Variants in DPYSL2 observed in about 807,000 individuals in gnomAD.
The protein encoded by DPYSL2 is dihydropyrimidinase-related protein 2.
In DPYSL2, 13 loss-of-function variants were observed where a neutral mutation model predicts 69.9. The ratio of observed to expected loss-of-function variants is 0.19; its 90% CI spans 0.12 to 0.30. The LOEUF is 0.30. DPYSL2 is among the 10% of genes least tolerant of loss of function. DPYSL2 has a pLI of 1.00. For synonymous variants in DPYSL2, 326 were observed against 359.1 expected, an observed-to-expected ratio of 0.91 and a Z score of 1.04; for missense variants, 587 against 918.9, an observed-to-expected ratio of 0.64 and a Z score of 4.67.
In DPYSL2 at chr8:26,514,251, G is replaced by A. The variant is rs987393488; in HGVS notation, c.-75G>A. ...CCGCGGCAGCAGCTAGGGGGCTTGT[G>A]CACACAGCGAGGGAGACTTAGGGAC... On this transcript the variant is annotated 5_prime_UTR_variant, in exon 1 of 14. Transcript: ENST00000521913. This position sits in a 1 kb window ranked among gnomAD's most constrained non-coding sequence, Gnocchi z 8.4. 1.1e-5 allele frequency: 14 copies of A among 1,292,368 alleles called. No homozygotes were observed. Among genetic ancestry groups the A allele is most frequent in the Non-Finnish European group, 1.4e-5 (14 of 986,156 alleles). The allele number at this position is 1,292,368 out of a possible 1,614,324, so 80.1% of individuals were successfully genotyped here.
At position 26,584,102 on chromosome 8, in the gene DPYSL2, A is replaced by G. The variant is rs1405960808; in HGVS notation, c.628+119A>G. 17 of 958,342 alleles carry G rather than the reference A, an allele frequency of 1.8e-5. No individual in the cohort carries two copies. In the Admixed American group the frequency reaches 1.8e-4, roughly 10 times the overall value. 59.4% of individuals were successfully genotyped at this position (958,342 alleles called of 1,614,324 possible). The stretch of plus-strand genomic sequence containing the variant: ...GTCCTGAGCCACAGTTCAATCTACC[A>G]AATAAGGGGGTGAGGATGTGTTAAC... On this transcript the variant is annotated intron_variant, in intron 3 of 13. Transcript: ENST00000521913.
Position 26,527,804 on chromosome 8 carries a change from C to CTTTTTTTTTTTTT in DPYSL2, c.354+13130_354+13142dup, listed in dbSNP as rs34631984. The stretch of plus-strand genomic sequence containing the variant: ...AATGTATGGTTCTTATTTGTTTATC[C>CTTTTTTTTTTTTT]TTTTTTTTTTTTTTTTTAGATGGAG... On this transcript the variant is annotated intron_variant, in intron 1 of 13. Coordinates refer to ENST00000521913, the MANE Select transcript of DPYSL2 (RefSeq NM_001197293.3). 7.2e-4 allele frequency among the ~76,000 whole-genome samples: 96 copies of CTTTTTTTTTTTTT among 132,684 alleles called. 1 individual carries two copies. Among genetic ancestry groups the CTTTTTTTTTTTTT allele is most frequent in the African/African-American group, 2.5e-3 (89 of 35,984 alleles). The allele number at this position is 132,684 out of a possible 152,430, so 87.0% of individuals were successfully genotyped here.
chr8:26,538,111 A>G lies in DPYSL2; in HGVS notation c.354+23432A>G, dbSNP rs920337979. Among the ~76,000 whole-genome samples, 13 of 152,174 alleles carry G rather than the reference A, an allele frequency of 8.5e-5. 1 individual carries two copies. The highest frequency in any genetic ancestry group is 3.3e-4 in the Admixed American group (5 of 15,272). The stretch of plus-strand genomic sequence containing the variant: ...GTGCAGGATGTCAATTTATCCCATT[A>G]CTTGTCATCTTAACTCTGGTCACTT... On this transcript the variant is annotated intron_variant, in intron 1 of 13. Transcript: ENST00000521913.
chr8:26,652,810 A>G lies in DPYSL2; in HGVS notation c.1776+374A>G, dbSNP rs1803305489. ...GGAGATGAGGGAATTTGATAAGAGTATCATGAGCATAGAAAATGTACAGTG... is the reference window on the plus strand; with the variant it reads ...GGAGATGAGGGAATTTGATAAGAGTGTCATGAGCATAGAAAATGTACAGTG... On this transcript the variant is annotated intron_variant, in intron 12 of 13. Transcript: ENST00000521913. The surrounding 1 kb of genome is among the most constrained non-coding windows in gnomAD (Gnocchi z 6.3). Among the ~76,000 whole-genome samples, 1 of 152,198 alleles carries G rather than the reference A, an allele frequency of 6.6e-6. No homozygotes were observed. The highest frequency in any genetic ancestry group is 2.4e-5 in the African/African-American group (1 of 41,448).
chr8:26,578,402 T>C, intron 1 of DPYSL2: 3 of 1,577,802 alleles, frequency 1.9e-6, no homozygotes, highest in Non-Finnish European at 2.6e-6. Context: ...GAACTTTTTT[T>C]TTCCTTTCTG....
rs17088245 is a variant in DPYSL2 at position 26,597,395 on chromosome 8, G to A, written c.628+13412G>A. Among the ~76,000 whole-genome samples the A allele has an allele frequency of 0.015, 2,339 of 152,314 alleles. 29 individuals are homozygous for A. The highest frequency in any genetic ancestry group is 0.068 in the Middle Eastern group (20 of 294). The stretch of plus-strand genomic sequence containing the variant: ...TTGCATTTCTCTGAATCGCTTTGGC[G>A]TGGGCTTTTATGAGGTTCATTAGGC... On this transcript the variant is annotated intron_variant, in intron 3 of 13. Coordinates refer to ENST00000521913, the MANE Select transcript of DPYSL2 (RefSeq NM_001197293.3). This position sits in a 1 kb window ranked among gnomAD's most constrained non-coding sequence, Gnocchi z 5.2.
chr8:26,606,242 A>G (rs1802104162), intron 3 of DPYSL2, among the ~76,000 whole-genome samples: 1 of 152,226 alleles, frequency 6.6e-6, no homozygotes, highest in South Asian at 2.1e-4. Context: ...GAAGTTAACT[A>G]TTTTGAAAAC....
In DPYSL2 at chr8:26,630,958, A is replaced by G. The variant is rs144161476; in HGVS notation, c.1005+3018A>G. On this transcript the variant is annotated intron_variant, in intron 7 of 13. Coordinates refer to ENST00000521913, the MANE Select transcript of DPYSL2 (RefSeq NM_001197293.3). ...CCTGCCATGTACCAGCTGTACAAGG[A>G]GGTGAGAAGATGTCCTCTGAGAAAA... Among the ~76,000 whole-genome samples the G allele has an allele frequency of 6.9e-3, 1,049 of 152,274 alleles. 7 individuals are homozygous for G. Among genetic ancestry groups the G allele is most frequent in the South Asian group, 0.032 (153 of 4,824 alleles).
At position 26,617,196 on chromosome 8, in the gene DPYSL2, T is replaced by C. The variant is rs563262105; in HGVS notation, c.629-6947T>C. ...ACTATAATTAGGCAAGATGTTTCCT[T>C]TGGGGGAAACGGGGTGAAGGGTATG... On this transcript the variant is annotated intron_variant, in intron 3 of 13. Coordinates refer to ENST00000521913, the MANE Select transcript of DPYSL2 (RefSeq NM_001197293.3). This position sits in a 1 kb window ranked among gnomAD's most constrained non-coding sequence, Gnocchi z 4.7. 1.5e-4 allele frequency among the ~76,000 whole-genome samples: 23 copies of C among 152,268 alleles called. No individual in the cohort carries two copies. In the East Asian group the frequency reaches 4.1e-3, roughly 27 times the overall value.
At chr8:26,603,942 A>G (rs574429657) in intron 3 of DPYSL2, among the ~76,000 whole-genome samples, 117 of 152,232 alleles carry the variant, frequency 7.7e-4, no homozygotes, top group Non-Finnish European at 1.5e-3. Flanking sequence ...GCTGCTATGA[A>G]CATGAGTGTG....
At chr8:26,606,981 C>T (rs1360685142) in intron 3 of DPYSL2, among the ~76,000 whole-genome samples, 1 of 152,070 alleles carries the variant, frequency 6.6e-6, no homozygotes, top group African/African-American at 2.4e-5. Flanking sequence ...ATAAGACAGA[C>T]AGTATCTAAC....
rs1421206594 is a variant in DPYSL2 at position 26,580,779 on chromosome 8, C to T, written c.355-1190C>T. ...GAATGTCATTCTTTGAAATGTGTTG[C>T]ATATTAAAAGGGCAATGTATGGTTC... On this transcript the variant is annotated intron_variant, in intron 1 of 13. Transcript: ENST00000521913. The surrounding 1 kb of genome is among the most constrained non-coding windows in gnomAD (Gnocchi z 4.1). 6.6e-6 allele frequency among the ~76,000 whole-genome samples: 1 copy of T among 152,088 alleles called. No individual in the cohort carries two copies.
intron 1 of DPYSL2, among the ~76,000 whole-genome samples, chr8:26,581,272 T>C (rs144572823): frequency 1.3e-5 from 2 of 152,320 alleles, no homozygotes; most frequent in African/African-American, 4.8e-5. Context: ...CTTGACACAG[T>C]CTTTCCAAGA....
intron 1 of DPYSL2, among the ~76,000 whole-genome samples, chr8:26,538,372 A>T (rs1305047407): frequency 6.6e-6 from 1 of 152,188 alleles, no homozygotes; most frequent in East Asian, 1.9e-4. Flanking sequence ...GAGGATGACC[A>T]CATAGAAAAG....
intron 3 of DPYSL2, among the ~76,000 whole-genome samples, chr8:26,600,721 C>G (rs936233021): frequency 6.6e-6 from 1 of 152,146 alleles, no homozygotes; most frequent in African/African-American, 2.4e-5. Context: ...AGGCAGCCCT[C>G]TTAGCTCTCC....
chr8:26,576,840 G>A (rs1048498233), intron 1 of DPYSL2, among the ~76,000 whole-genome samples: 2 of 152,240 alleles, frequency 1.3e-5, no homozygotes, highest in African/African-American at 4.8e-5. Flanking sequence ...CACTGGCACT[G>A]TAAACCCTCA....
Position 26,641,267 on chromosome 8 carries a change from C to G in DPYSL2, c.1127-2172C>G, listed in dbSNP as rs146405650. Among the ~76,000 whole-genome samples the G allele has an allele frequency of 6.6e-6, 1 of 152,348 alleles. No homozygotes were observed. The highest frequency in any genetic ancestry group is 2.4e-5 in the African/African-American group (1 of 41,586). On this transcript the variant is annotated intron_variant, in intron 8 of 13. Coordinates refer to ENST00000521913, the MANE Select transcript of DPYSL2 (RefSeq NM_001197293.3). The surrounding 1 kb of genome is among the most constrained non-coding windows in gnomAD (Gnocchi z 4.1). ...TTCTTTATCTCCAAGTGCCTCTGCT[C>G]TCATGAACTTCTTCATGTGGACAAA...
At chr8:26,553,138 A>G (rs375990218) in intron 1 of DPYSL2, among the ~76,000 whole-genome samples, 12 of 152,368 alleles carry the variant, frequency 7.9e-5, no homozygotes, top group South Asian at 2.1e-4. Flanking sequence ...ACCTATTGCT[A>G]TTAAAGAAAT....
At chr8:26,539,225 A>G (rs1585496410) in intron 1 of DPYSL2, among the ~76,000 whole-genome samples, 1 of 152,188 alleles carries the variant, frequency 6.6e-6, no homozygotes, top group Non-Finnish European at 1.5e-5. Context: ...TGGTTAGACA[A>G]TCTGAACTAA....
Sources: gnomAD v4.1 joint callset for allele counts (sites outside exome capture counted in the v4.1 genomes callset) on GRCh38, gnomAD v4.1.1 for gene constraint, Gnocchi (gnomAD v3.1) non-coding constraint, MANE v1.5 for transcripts, NCBI Gene and HGNC (gene_info 2026-07-23, HGNC 2026-07-21) for gene names.